ACVR1: variants seen among roughly 807,000 people sequenced by gnomAD.
ACVR1 encodes activin receptor type-1.
A neutral mutation model predicts 57.1 loss-of-function variants in ACVR1; 38 were observed. The observed-to-expected ratio is 0.67, with a 90% CI of 0.51 to 0.87. The LOEUF is 0.87. Among genes scored for constraint, ACVR1 ranks in the 40% least tolerant of loss-of-function variants. The probability of loss-of-function intolerance (pLI) is 0.00; values close to 1 mark genes in which losing one functional copy is unlikely to be tolerated. For missense variants in ACVR1, 463 were observed against 638.2 expected (o/e 0.73, Z 2.96); for synonymous variants, 212 against 228.1 (o/e 0.93, Z 0.63).
At chr2:157,805,901 G>A (rs1687513192) in intron 2 of ACVR1, among the ~76,000 whole-genome samples, 1 of 136,972 alleles carries the variant, frequency 7.3e-6, no homozygotes, top group African/African-American at 2.9e-5. Context: ...TCAGCTTACT[G>A]CAGCCTCAAC....
intron 1 of ACVR1, among the ~76,000 whole-genome samples, chr2:157,823,745 C>A (rs1265251462): frequency 6.6e-6 from 1 of 152,170 alleles, no homozygotes; most frequent in African/African-American, 2.4e-5. Context: ...CACTCCGTAA[C>A]CTCGAAACCC....
intron 1 of ACVR1, among the ~76,000 whole-genome samples, chr2:157,837,833 A>G (rs538305271): frequency 6.6e-6 from 1 of 152,212 alleles, no homozygotes; most frequent in Admixed American, 6.5e-5. Flanking sequence ...GGAGGTAGAG[A>G]ACAAAAGAAC....
chr2:157,824,432 C>G (rs1688265819), intron 1 of ACVR1, among the ~76,000 whole-genome samples: 1 of 152,166 alleles, frequency 6.6e-6, no homozygotes, highest in African/African-American at 2.4e-5. Context: ...CATGCCACTG[C>G]ACTCCAGCCT....
At chr2:157,770,615 C>T in intron 6 of ACVR1, 101 bp from the exon 7 acceptor site, 1 of 1,173,466 alleles carries the variant, frequency 8.5e-7, no homozygotes, top group Non-Finnish European at 1.3e-6. Context: ...ACTCTTAATC[C>T]CTCCATTGCT....
At position 157,780,419 on chromosome 2, in the gene ACVR1, G is replaced by T. The variant is rs1686462251; in HGVS notation, c.249C>A (p.Thr83=). The T allele has an allele frequency of 6.2e-7, 1 of 1,613,988 alleles. No homozygotes were observed. The highest frequency in any genetic ancestry group is 8.5e-7 in the Non-Finnish European group (1 of 1,180,002). ...VYEQGKMTCK[T]PPSPGQAVEC... ...CCACGGCTTGGCCAGGGGACGGCGG[G>T]GTCTTACAGGTCATCTTTCCCTGCT... is the stretch of plus-strand genomic sequence containing the variant. Residue 83 remains threonine, a synonymous_variant, in exon 4 of 11, where the codon ACC becomes ACA. Coordinates refer to ENST00000434821, the MANE Select transcript of ACVR1 (RefSeq NM_001111067.4).
intron 3 of ACVR1, among the ~76,000 whole-genome samples, chr2:157,782,511 C>T (rs980939668): frequency 2.6e-5 from 4 of 152,202 alleles, no homozygotes; most frequent in Admixed American, 1.3e-4. Flanking sequence ...CAATCTATTT[C>T]TATGAGGATG....
At chr2:157,828,381 C>T (rs552697686) in intron 1 of ACVR1, among the ~76,000 whole-genome samples, 50 of 142,338 alleles carry the variant, frequency 3.5e-4, no homozygotes, top group Non-Finnish European at 6.6e-4. Context: ...ACTTGGGAGG[C>T]GGAGCTTGCA....
chr2:157,778,404 T>C (rs10191178), intron 4 of ACVR1, 62 bp from the exon 5 acceptor site: 2 of 1,367,352 alleles, frequency 1.5e-6, no homozygotes, highest in African/African-American at 1.4e-5. Context: ...ATTATTAGCA[T>C]AACCAATATC....
intron 9 of ACVR1, among the ~76,000 whole-genome samples, chr2:157,744,464 C>T (rs1049156284): frequency 2.0e-5 from 3 of 152,178 alleles, no homozygotes; most frequent in Non-Finnish European, 4.4e-5. Context: ...AGTTATCTTC[C>T]ATTTTATGCC....
chr2:157,765,413 C>T (rs1685825051), intron 8 of ACVR1, among the ~76,000 whole-genome samples: 1 of 152,152 alleles, frequency 6.6e-6, no homozygotes, highest in African/African-American at 2.4e-5. Flanking sequence ...GTACTGGTTA[C>T]TTCTGAGGTG....
At chr2:157,797,350 T>C (rs1236032653) in intron 3 of ACVR1, among the ~76,000 whole-genome samples, 1 of 152,188 alleles carries the variant, frequency 6.6e-6, no homozygotes, top group Non-Finnish European at 1.5e-5. Flanking sequence ...CCTTGGAAAC[T>C]CATCATTTAT....
At chr2:157,868,960 G>C (rs1390567850) in intron 1 of ACVR1, among the ~76,000 whole-genome samples, 1 of 152,198 alleles carries the variant, frequency 6.6e-6, no homozygotes, top group Non-Finnish European at 1.5e-5. Flanking sequence ...TGAATGCAAA[G>C]AGCTGTCCCT....
chr2:157,810,553 C>T (rs1007889935), intron 2 of ACVR1, among the ~76,000 whole-genome samples: 1 of 152,198 alleles, frequency 6.6e-6, no homozygotes, highest in Admixed American at 6.5e-5. Flanking sequence ...CCATGATGAA[C>T]ATTTCCAAGC....
rs55982006 is a variant in ACVR1, at chr2:157,865,119, T to C, written c.-183+10677A>G. Among the ~76,000 whole-genome samples the C allele has an allele frequency of 3.7e-3, 450 of 121,234 alleles. 2 individuals carry two copies. The highest frequency in any genetic ancestry group is 0.013 in the African/African-American group (414 of 33,018). 79.5% of individuals were successfully genotyped at this position (121,234 alleles called of 152,430 possible). A position where few individuals can be genotyped will look rare whatever the true frequency, so the allele number is the denominator to read the frequency against. Reference sequence around the variant, plus strand: ...CACAGGAAAAAAAAAAAAAAAAAAATCATAAAGCTCCATTTACTGGAAGGA... The same window carrying C: ...CACAGGAAAAAAAAAAAAAAAAAAACCATAAAGCTCCATTTACTGGAAGGA... On this transcript the variant is annotated intron_variant, in intron 1 of 10. Coordinates refer to ENST00000434821, the MANE Select transcript of ACVR1 (RefSeq NM_001111067.4).
chr2:157,807,368 G>C (rs1428276499), intron 2 of ACVR1, among the ~76,000 whole-genome samples: 1 of 152,144 alleles, frequency 6.6e-6, no homozygotes, highest in Non-Finnish European at 1.5e-5. Flanking sequence ...CTCAAAACTA[G>C]GTGTTATTTC....
intron 1 of ACVR1, chr2:157,859,906 A>G (rs987051242): frequency 1.3e-5 from 2 of 152,148 alleles, no homozygotes; most frequent in African/African-American, 4.8e-5. Flanking sequence ...TAAGAAATAA[A>G]TTCTTAAGTA....
In ACVR1 at chr2:157,736,907, A is replaced by T; in HGVS notation, c.*624T>A. On this transcript the variant is annotated 3_prime_UTR_variant, in exon 11 of 11. Transcript: ENST00000434821. ...TAAATAATTTGCAAAGTTGTGTATA[A>T]ACAATTCCTAATGTTCGGCATCATT... 1 of 318,510 alleles carries T rather than the reference A, an allele frequency of 3.1e-6. No individual in the cohort carries two copies. Among genetic ancestry groups the T allele is most frequent in the Non-Finnish European group, 5.8e-6 (1 of 173,028 alleles). The allele number at this position is 318,510 out of a possible 1,614,324, so 19.7% of individuals were successfully genotyped here.
In ACVR1 at chr2:157,778,157, T is replaced by C. The variant is rs1686363167; in HGVS notation, c.517A>G (p.Thr173Ala). 2 of 1,613,698 alleles carry C rather than the reference T, an allele frequency of 1.2e-6. No homozygotes were observed. The highest frequency in any genetic ancestry group is 3.3e-5 in the Admixed American group (2 of 59,960). Residue 173 changes from threonine (T) to alanine (A), a missense_variant, in exon 5 of 11, where the codon ACC becomes GCC. Physicochemically the swap from Thr to Ala is moderately conservative, Grantham distance 58 (BLOSUM62 0). This residue lies in a region of ACVR1 where 203 missense variants were observed against 235.5 expected (regional missense o/e 0.86). Coordinates refer to ENST00000434821, the MANE Select transcript of ACVR1 (RefSeq NM_001111067.4). ...EYGTIEGLIT[T>A]NVGDSTLADL... Reference sequence around the variant, plus strand: ...GCTAAAGTGCTGTCTCCAACATTGGTGGTGATGAGCCCTTCGATAGTGCCA... The same window carrying C: ...GCTAAAGTGCTGTCTCCAACATTGGCGGTGATGAGCCCTTCGATAGTGCCA...
Position 157,737,275 on chromosome 2 carries a change from G to T in ACVR1, c.*256C>A, listed in dbSNP as rs1488230122. ...CTGTGTTCCTCCAGTCCCTACCTTT[G>T]CAACAGTGTCTGTCCAACATTAGTC... On this transcript the variant is annotated 3_prime_UTR_variant, in exon 11 of 11. Transcript: ENST00000434821. 1.8e-6 allele frequency: 1 copy of T among 552,914 alleles called. No individual in the cohort carries two copies. Among genetic ancestry groups the T allele is most frequent in the East Asian group, 3.2e-5 (1 of 31,050 alleles). 34.3% of individuals were successfully genotyped at this position (552,914 alleles called of 1,614,324 possible).
Sources: allele counts gnomAD v4.1 joint callset (sites outside exome capture counted in the v4.1 genomes callset), GRCh38; gene constraint gnomAD v4.1.1; regional missense constraint gnomAD v4.1.1; transcripts MANE v1.5; gene names NCBI Gene and HGNC (gene_info 2026-07-23, HGNC 2026-07-21).